The following MAD1L1 variants were observed in gnomAD, a reference collection of about 807,000 sequenced individuals.
The protein encoded by MAD1L1 is mitotic spindle assembly checkpoint protein MAD1.
MAD1L1 carries 95 observed loss-of-function variants against 96.9 expected under a neutral mutation model. The observed-to-expected ratio is 0.98, with a 90% CI of 0.83 to 1.16. MAD1L1 has a LOEUF of 1.16. MAD1L1 is among the 50% of genes most tolerant of loss of function. The pLI is 0.00. For synonymous variants in MAD1L1, 473 were observed against 396.6 expected, an observed-to-expected ratio of 1.19 and a Z score of -2.29; for missense variants, 1,007 against 954.4, an observed-to-expected ratio of 1.06 and a Z score of -0.73.
intron 12 of MAD1L1, among the ~76,000 whole-genome samples, chr7:2,019,313 C>G (rs1434643243): frequency 1.3e-5 from 2 of 152,174 alleles, no homozygotes; most frequent in African/African-American, 4.8e-5. Flanking sequence ...CCCAGCTGGT[C>G]GTTTCCCAAA....
intron 18 of MAD1L1, among the ~76,000 whole-genome samples, chr7:1,825,913 G>T (rs542419766): frequency 1.3e-5 from 2 of 151,856 alleles, no homozygotes; most frequent in East Asian, 1.9e-4. Flanking sequence ...GTTGGCGGTC[G>T]GCACAGTCCC....
At chr7:2,216,050 G>A (rs747896744) in intron 8 of MAD1L1, 51 bp from the exon 9 acceptor site, 4 of 1,611,548 alleles carry the variant, frequency 2.5e-6, no homozygotes, top group South Asian at 2.2e-5. Flanking sequence ...CTAGGGATAA[G>A]GCCAAGAGCC....
In MAD1L1 at chr7:2,019,844, C is replaced by T. The variant is rs150986568; in HGVS notation, c.1219-5202G>A. ...CTGGCCCCCACAACCAACTACAGAA[C>T]GCTTCGCCTCCTGTCTGTCCCTCGC... On this transcript the variant is annotated intron_variant, in intron 12 of 18. Coordinates refer to ENST00000265854, the MANE Select transcript of MAD1L1 (RefSeq NM_001013836.2). 3.0e-3 allele frequency among the ~76,000 whole-genome samples: 456 copies of T among 152,306 alleles called. 8 individuals are homozygous for T. Among genetic ancestry groups the T allele is most frequent in the Non-Finnish European group, 1.1e-3 (77 of 68,026 alleles).
chr7:1,928,164 C>T (rs945111605), intron 17 of MAD1L1, among the ~76,000 whole-genome samples: 3 of 149,380 alleles, frequency 2.0e-5, no homozygotes, highest in Non-Finnish European at 4.5e-5. Context: ...TGACGGAACT[C>T]CCGCCACGCC....
chr7:1,880,726 T>C (rs1016428098), intron 18 of MAD1L1, among the ~76,000 whole-genome samples: 1 of 152,200 alleles, frequency 6.6e-6, no homozygotes, highest in African/African-American at 2.4e-5. Flanking sequence ...ACCCGGCCCC[T>C]GAGGGCAGGC....
intron 15 of MAD1L1, among the ~76,000 whole-genome samples, chr7:1,959,450 A>G (rs1372242371): frequency 6.6e-6 from 1 of 152,214 alleles, no homozygotes; most frequent in Non-Finnish European, 1.5e-5. Flanking sequence ...CCACAGATGT[A>G]GAAAGCTCAA....
intron 3 of MAD1L1, among the ~76,000 whole-genome samples, chr7:2,226,223 C>A (rs1193891839): frequency 3.9e-5 from 6 of 152,208 alleles, no homozygotes; most frequent in East Asian, 1.9e-4. Flanking sequence ...AGATCTTAGA[C>A]CTTAATTACA....
At chr7:1,828,455 C>T (rs1029630479) in intron 18 of MAD1L1, among the ~76,000 whole-genome samples, 17 of 152,150 alleles carry the variant, frequency 1.1e-4, no homozygotes, top group Admixed American at 9.8e-4. Context: ...CAGAAAATGG[C>T]ACCCGAAGCT....
Position 2,224,138 on chromosome 7 carries a change from C to T in MAD1L1, c.291+1272G>A, listed in dbSNP as rs1387002324. Among the ~76,000 whole-genome samples the T allele has an allele frequency of 2.6e-5, 4 of 152,262 alleles. No homozygotes were observed. In the East Asian group the frequency reaches 7.7e-4, roughly 29 times the overall value. On this transcript the variant is annotated intron_variant, in intron 4 of 18. Coordinates refer to ENST00000265854, the MANE Select transcript of MAD1L1 (RefSeq NM_001013836.2). Reference sequence around the variant, plus strand: ...ACACAATGGAGATCCTGGGCAGAGTCGGGTGGGCCCTGCCCTCAGGGACTC... The same window carrying T: ...ACACAATGGAGATCCTGGGCAGAGTTGGGTGGGCCCTGCCCTCAGGGACTC...
chr7:1,935,979 A>G (rs1306046134), intron 17 of MAD1L1, among the ~76,000 whole-genome samples: 1 of 152,234 alleles, frequency 6.6e-6, no homozygotes, highest in Non-Finnish European at 1.5e-5. Flanking sequence ...GGCAGTGCCC[A>G]GCTCCCTCCA....
At chr7:1,914,728 C>T (rs1788262348) in intron 17 of MAD1L1, among the ~76,000 whole-genome samples, 1 of 152,216 alleles carries the variant, frequency 6.6e-6, no homozygotes, top group African/African-American at 2.4e-5. Flanking sequence ...ATTGTCCTGC[C>T]TCAGCCTCCA....
At chr7:2,091,325 T>C (rs10950541) in intron 11 of MAD1L1, among the ~76,000 whole-genome samples, 8,461 of 152,140 alleles carry the variant, frequency 0.056, 433 homozygotes, top group African/African-American at 0.13. Flanking sequence ...TGTGCCTGCC[T>C]CCGGGCCCCG....
At chr7:1,890,676 T>G (rs1315897395) in intron 18 of MAD1L1, among the ~76,000 whole-genome samples, 1 of 152,204 alleles carries the variant, frequency 6.6e-6, no homozygotes, top group Non-Finnish European at 1.5e-5. Context: ...ACTACAGGTA[T>G]GTCGGGGAGA....
At chr7:1,916,708 G>A (rs538366312) in intron 17 of MAD1L1, among the ~76,000 whole-genome samples, 5 of 152,192 alleles carry the variant, frequency 3.3e-5, no homozygotes, top group South Asian at 2.1e-4. Flanking sequence ...CCTGTGCTGC[G>A]GGTGTCTTGT....
At chr7:2,071,322 C>A (rs761584640) in intron 11 of MAD1L1, among the ~76,000 whole-genome samples, 5 of 152,248 alleles carry the variant, frequency 3.3e-5, no homozygotes, top group Non-Finnish European at 7.3e-5. Flanking sequence ...ATGGCGGGAA[C>A]CCCAACCTGG....
Position 1,980,603 on chromosome 7 carries a change from C to A in MAD1L1, c.1417-62G>T, listed in dbSNP as rs1015188917. On this transcript the variant is annotated intron_variant, in intron 14 of 18. Transcript: ENST00000265854. ...GAGCGCACCCAGGTGTGTGGGGAACCCCAGCCCAGGCCCCTGAGACCACCC... is the reference window on the plus strand; with the variant it reads ...GAGCGCACCCAGGTGTGTGGGGAACACCAGCCCAGGCCCCTGAGACCACCC... 21 of 1,390,264 alleles carry A rather than the reference C, an allele frequency of 1.5e-5. No individual in the cohort carries two copies. In the East Asian group the frequency reaches 4.9e-4, roughly 32 times the overall value. 86.1% of individuals were successfully genotyped at this position (1,390,264 alleles called of 1,614,324 possible).
chr7:1,894,818 G>T (rs1211363211), intron 18 of MAD1L1, among the ~76,000 whole-genome samples: 1 of 151,970 alleles, frequency 6.6e-6, no homozygotes, highest in Non-Finnish European at 1.5e-5. Context: ...AGGAGTAGAG[G>T]GTGGGGGTTG....
intron 16 of MAD1L1, among the ~76,000 whole-genome samples, chr7:1,948,154 C>T (rs1215361296): frequency 6.6e-6 from 1 of 152,098 alleles, no homozygotes. Flanking sequence ...GGGAGTGGCC[C>T]GGGGTCACAG....
Position 2,225,415 on chromosome 7 carries a change from A to G in MAD1L1, c.286T>C (p.Tyr96His), listed in dbSNP as rs376163799. The change falls in exon 4 of 19, where the codon TAC becomes CAC. Residue 96 changes from tyrosine to histidine, a missense_variant. Physicochemically the swap from Tyr to His is moderately conservative, Grantham distance 83. Coordinates refer to ENST00000265854, the MANE Select transcript of MAD1L1 (RefSeq NM_001013836.2). Reference protein sequence around the residue: ...ERAASTSARNYEREVDRNQEL... With the variant: ...ERAASTSARNHEREVDRNQEL... ...CTCGCCCCGCCTGAACCCACCTCGT[A>G]GTTCCTGGCACTGGTGCTGGCTGCT... 26 of 1,613,830 alleles carry G rather than the reference A, an allele frequency of 1.6e-5. No homozygotes were observed. The highest frequency in any genetic ancestry group is 2.1e-5 in the Non-Finnish European group (25 of 1,179,988).
Sources: allele counts gnomAD v4.1 joint callset (sites outside exome capture counted in the v4.1 genomes callset), GRCh38; gene constraint gnomAD v4.1.1; transcripts MANE v1.5; gene names NCBI Gene and HGNC (gene_info 2026-07-23, HGNC 2026-07-21).